Variants in FBN2 observed in about 807,000 individuals in gnomAD.
The protein encoded by FBN2 is fibrillin 2, also known as fibrillin-2.
Under a neutral mutation model 355.6 loss-of-function variants are expected in FBN2, and 105 were observed. The observed-to-expected ratio is 0.30, with a 90% CI of 0.25 to 0.35. FBN2 has a LOEUF of 0.35. FBN2 is among the 10% of genes least tolerant of loss of function. The pLI is 1.00. For missense variants in FBN2, 3,280 were observed against 3,758.7 expected (o/e 0.87, Z 3.33); for synonymous variants, 1,350 against 1,301.2 (o/e 1.04, Z -0.81).
chr5:128,302,638 A>T (rs1368769302), intron 46 of FBN2, among the ~76,000 whole-genome samples: 3 of 152,318 alleles, frequency 2.0e-5, no homozygotes, highest in Non-Finnish European at 4.4e-5. Flanking sequence ...TAACATTGAG[A>T]CAATGAAGGG....
intron 5 of FBN2, among the ~76,000 whole-genome samples, chr5:128,513,155 G>T (rs1756177110): frequency 6.6e-6 from 1 of 152,158 alleles, no homozygotes; most frequent in South Asian, 2.1e-4. Context: ...TCTTTCCAAC[G>T]AATCTGTGAG....
chr5:128,438,137 A>ACATACTACC (rs1410719457), intron 7 of FBN2, among the ~76,000 whole-genome samples: 6 of 152,156 alleles, frequency 3.9e-5, no homozygotes, highest in African/African-American at 1.4e-4. Flanking sequence ...GACCACATGC[A>ACATACTACC]CATACTACCA....
intron 6 of FBN2, among the ~76,000 whole-genome samples, chr5:128,450,631 T>C (rs1329700258): frequency 2.0e-5 from 3 of 151,924 alleles, no homozygotes; most frequent in African/African-American, 7.2e-5. Flanking sequence ...TATTAAGACA[T>C]TTTAAAAAGA....
intron 13 of FBN2, 122 bp from the exon 14 acceptor site, chr5:128,376,975 GTT>G: frequency 8.0e-7 from 1 of 1,248,910 alleles, no homozygotes; most frequent in Non-Finnish European, 1.1e-6. Flanking sequence ...ATGGCTTTTA[GTT>G]TTTTTTAAAA....
chr5:128,442,278 G>T (rs1475157313), intron 7 of FBN2: 2 of 455,170 alleles, frequency 4.4e-6, no homozygotes, highest in Non-Finnish European at 8.8e-6. Context: ...AGCCAGGAAA[G>T]AATAACTAGC....
chr5:128,399,164 T>C (rs1374067763), intron 8 of FBN2, among the ~76,000 whole-genome samples: 2 of 152,138 alleles, frequency 1.3e-5, no homozygotes, highest in Non-Finnish European at 2.9e-5. Context: ...AGAAGTCCAA[T>C]ACATTCAAAG....
intron 49 of FBN2, 29 bp from the exon 50 acceptor site, chr5:128,290,913 G>C (rs1428563442): frequency 6.2e-7 from 1 of 1,603,524 alleles, no homozygotes; most frequent in Non-Finnish European, 8.5e-7. Context: ...ATTACAGATG[G>C]AATTATTTTG....
chr5:128,464,956 A>G, intron 5 of FBN2, 35 bp from the exon 6 acceptor site: 2 of 1,591,208 alleles, frequency 1.3e-6, no homozygotes, highest in Non-Finnish European at 1.7e-6. Context: ...GACAGGTTTT[A>G]TGATCATATA....
At position 128,314,595 on chromosome 5, in the gene FBN2, C is replaced by T. The variant is rs571205896; in HGVS notation, c.4718-1800G>A. Among the ~76,000 whole-genome samples the T allele has an allele frequency of 1.2e-3, 184 of 152,234 alleles. 1 individual carries two copies. In the Middle Eastern group the frequency reaches 0.014, roughly 11 times the overall value. On this transcript the variant is annotated intron_variant, in intron 36 of 64. Transcript: ENST00000262464. ...CCTCCCAAAGTGCTGGAGTAACAGG[C>T]GTGAGCCACCACGCCCAGCCTAATT...
chr5:128,484,604 T>G (rs544081088), intron 5 of FBN2, among the ~76,000 whole-genome samples: 1 of 152,336 alleles, frequency 6.6e-6, no homozygotes, highest in Admixed American at 6.5e-5. Context: ...CAATGAGGTT[T>G]CATTGGATAC....
At chr5:128,339,494 G>A (rs1464338867) in intron 25 of FBN2, among the ~76,000 whole-genome samples, 1 of 152,072 alleles carries the variant, frequency 6.6e-6, no homozygotes, top group Non-Finnish European at 1.5e-5. Context: ...AGGATTGCTT[G>A]AGCCCAAGAG....
Position 128,258,955 on chromosome 5 carries a change from C to G in FBN2, c.*500G>C, listed in dbSNP as rs2126791052. 1 of 157,822 alleles carries G rather than the reference C, an allele frequency of 6.3e-6. No individual in the cohort carries two copies. The highest frequency in any genetic ancestry group is 1.8e-4 in the South Asian group (1 of 5,492). 9.8% of individuals were successfully genotyped at this position (157,822 alleles called of 1,614,324 possible). On this transcript the variant is annotated 3_prime_UTR_variant, in exon 65 of 65. Transcript: ENST00000262464. ...TATCTATTGGATTTTTAAAAAGCAC[C>G]TCTAAAAAAAATAGCTCAAATTTAT...
At chr5:128,514,440 A>C (rs1581363129) in intron 5 of FBN2, among the ~76,000 whole-genome samples, 1 of 152,262 alleles carries the variant, frequency 6.6e-6, no homozygotes, top group Admixed American at 6.5e-5. Flanking sequence ...TCATGTGTAA[A>C]GTAGATGACT....
At position 128,376,795 on chromosome 5, in the gene FBN2, A is replaced by G. The variant is rs1752091713; in HGVS notation, c.1908T>C (p.Asp636=). ...GTTTGCAGATGCACTTGAAGCTGCC[A>G]TCTTCATTGATGCACATTCCATTCA... ...MCLNGMCINE[D]GSFKCICKPG... is the part of the protein sequence containing the mutation. Residue 636 remains aspartate, a synonymous_variant, in exon 14 of 65, where the codon GAT becomes GAC. Coordinates refer to ENST00000262464, the MANE Select transcript of FBN2 (RefSeq NM_001999.4). The G allele has an allele frequency of 6.2e-7, 1 of 1,613,578 alleles. No individual in the cohort carries two copies. The highest frequency in any genetic ancestry group is 1.3e-5 in the African/African-American group (1 of 74,902).
At chr5:128,522,574 C>T (rs528005858) in intron 4 of FBN2, among the ~76,000 whole-genome samples, 47 of 151,918 alleles carry the variant, frequency 3.1e-4, no homozygotes, top group Non-Finnish European at 5.9e-4. Context: ...AACATTTGTA[C>T]GAAAATGTTC....
chr5:128,461,932 C>A (rs1754569958), intron 6 of FBN2, among the ~76,000 whole-genome samples: 1 of 151,742 alleles, frequency 6.6e-6, no homozygotes, highest in Admixed American at 6.6e-5. Flanking sequence ...TGTAACAAAC[C>A]TACATATTCT....
intron 7 of FBN2, among the ~76,000 whole-genome samples, chr5:128,444,294 G>A (rs1353752745): frequency 1.3e-5 from 2 of 151,080 alleles, no homozygotes; most frequent in East Asian, 2.0e-4. Context: ...GGATGGTCTC[G>A]ATCTCCTGAC....
rs1765325302 is a variant in FBN2 at position 128,273,970 on chromosome 5, T to C, written c.7712-2A>G. The stretch of plus-strand genomic sequence containing the variant: ...GTTGAGACCCACATTCGTTGTTGTC[T>C]GGCAAAGCATCAAGAAGCAGAGCGT... On this transcript the variant is annotated splice_acceptor_variant, in intron 60 of 64. Transcript: ENST00000262464. LOFTEE classifies it high-confidence loss of function. 1 of 1,613,936 alleles carries C rather than the reference T, an allele frequency of 6.2e-7. No individual in the cohort carries two copies. The highest frequency in any genetic ancestry group is 8.5e-7 in the Non-Finnish European group (1 of 1,179,868).
intron 8 of FBN2, among the ~76,000 whole-genome samples, chr5:128,404,471 G>A (rs1459341574): frequency 6.6e-6 from 1 of 152,200 alleles, no homozygotes; most frequent in Non-Finnish European, 1.5e-5. Flanking sequence ...CGAACCTCAA[G>A]TTAGCTCTTG....
Sources: gnomAD v4.1 joint callset for allele counts (sites outside exome capture counted in the v4.1 genomes callset) on GRCh38, gnomAD v4.1.1 for gene constraint, MANE v1.5 for transcripts, NCBI Gene and HGNC (gene_info 2026-07-23, HGNC 2026-07-21) for gene names.